Variants in SLC25A34 observed in about 807,000 individuals in gnomAD.
SLC25A34 encodes the protein solute carrier family 25 member 34, also known as solute carrier family 25, member 34.
Under a neutral mutation model 28.1 loss-of-function variants are expected in SLC25A34, and 26 were observed. The observed-to-expected ratio is 0.93, with a 90% confidence interval of 0.68 to 1.28. The LOEUF (loss-of-function observed/expected upper bound fraction) is 1.28, where lower values mean the gene tolerates loss of function less well. Ranked by LOEUF, SLC25A34 falls within the 50% of genes most tolerant of loss-of-function variation. The pLI is 0.00. For missense variants in SLC25A34, 384 were observed against 409.8 expected, an observed-to-expected ratio of 0.94 and a Z score of 0.54; for synonymous variants, 182 against 182.2, an observed-to-expected ratio of 1.00 and a Z score of 0.01.
intron 4 of SLC25A34, 109 bp from the exon 5 acceptor site, chr1:15,739,115 G>A (rs973241699): frequency 1.5e-6 from 2 of 1,365,626 alleles, no homozygotes; most frequent in East Asian, 2.4e-5. Context: ...CAATACAAAG[G>A]TGCTGTCCAT....
In SLC25A34 at chr1:15,736,702, C is replaced by A; in HGVS notation, c.217C>A (p.Leu73Met). The A allele has an allele frequency of 6.2e-7, 1 of 1,609,700 alleles. No individual in the cohort carries two copies. The highest frequency in any genetic ancestry group is 8.5e-7 in the Non-Finnish European group (1 of 1,179,088). The change falls in exon 1 of 5, where the codon CTG (leucine) becomes ATG (methionine). Residue 73 changes from leucine (L) to methionine (M), a missense_variant. Leu to Met is a conservative substitution (Grantham distance 15). Coordinates refer to ENST00000294454, the MANE Select transcript of SLC25A34 (RefSeq NM_207348.3). ...CGGGCTGTGGGGCCTGCAGAAGGGG[C>A]TGGCTGCCGGCCTTCTGTACCAAGG... is the stretch of plus-strand genomic sequence containing the variant. ...ADGLWGLQKG[L>M]AAGLLYQGLM... is the part of the protein sequence containing the mutation.
At chr1:15,737,583 G>C (rs2068236855) in intron 1 of SLC25A34, among the ~76,000 whole-genome samples, 1 of 147,782 alleles carries the variant, frequency 6.8e-6, no homozygotes, top group Admixed American at 6.6e-5. Flanking sequence ...AAAAAAAAAA[G>C]GAAAGAAAGA....
intron 1 of SLC25A34, 24 bp from the exon 2 acceptor site, chr1:15,737,905 C>T (rs1263290101): frequency 6.2e-7 from 1 of 1,613,978 alleles, no homozygotes; most frequent in Non-Finnish European, 8.5e-7. Flanking sequence ...CATCCCCACA[C>T]CCGTGTCCTC....
Position 15,741,219 on chromosome 1 carries a change from G to C in SLC25A34, c.*1813G>C, listed in dbSNP as rs561290736. On this transcript the variant is annotated 3_prime_UTR_variant, in exon 5 of 5. Coordinates refer to ENST00000294454, the MANE Select transcript of SLC25A34 (RefSeq NM_207348.3). ...TCCCCGTGGGTGTGCTCTCAGCGCC[G>C]CACCGACCTTCACACTGCAGAGATG... The C allele has an allele frequency of 1.3e-5, 2 of 152,476 alleles. No homozygotes were observed. Among genetic ancestry groups the C allele is most frequent in the Non-Finnish European group, 2.9e-5 (2 of 68,090 alleles). The allele number at this position is 152,476 out of a possible 1,614,324, so 9.4% of individuals were successfully genotyped here. A position where few individuals can be genotyped will look rare whatever the true frequency, so the allele number is the denominator to read the frequency against.
intron 1 of SLC25A34, 55 bp downstream of exon 1, chr1:15,736,918 C>T: frequency 6.9e-7 from 1 of 1,450,928 alleles, no homozygotes; most frequent in Non-Finnish European, 9.1e-7. Context: ...CCAGCTCCCA[C>T]AGGGGCCCTG....
Position 15,736,594 on chromosome 1 carries a change from C to A in SLC25A34, c.109C>A (p.Gln37Lys). 1 of 1,539,516 alleles carries A rather than the reference C, an allele frequency of 6.5e-7. No homozygotes were observed. Among genetic ancestry groups the A allele is most frequent in the Non-Finnish European group, 8.7e-7 (1 of 1,143,744 alleles). Residue 37 changes from glutamine to lysine, a missense_variant, in exon 1 of 5, where the codon CAG becomes AAG. Coordinates refer to ENST00000294454, the MANE Select transcript of SLC25A34 (RefSeq NM_207348.3). ...GGTGGTGAAGACGCGGCTGCAGCTGCAGGGGGAGCTGCAGGCCCGGGGCAC... is the reference window on the plus strand; with the variant it reads ...GGTGGTGAAGACGCGGCTGCAGCTGAAGGGGGAGCTGCAGGCCCGGGGCAC... ...LEVVKTRLQLQGELQARGTYP... is the reference protein window; with the variant it reads ...LEVVKTRLQLKGELQARGTYP...
At position 15,738,156 on chromosome 1, in the gene SLC25A34, G is replaced by T; in HGVS notation, c.508G>T (p.Val170Phe). The change falls in exon 3 of 5, where the codon GTT becomes TTT. Residue 170 changes from valine (V) to phenylalanine (F), a missense_variant. Val to Phe is a conservative substitution (Grantham distance 50). Coordinates refer to ENST00000294454, the MANE Select transcript of SLC25A34 (RefSeq NM_207348.3). ...QQGLLGLWQG[V>F]GGAVPRVMVG... ...AGGGCTCTTGGGGCTGTGGCAGGGC[G>T]TTGGTGGGGCTGTGCCCCGAGTCAT... 1 of 1,607,956 alleles carries T rather than the reference G, an allele frequency of 6.2e-7. No homozygotes were observed. Among genetic ancestry groups the T allele is most frequent in the South Asian group, 1.1e-5 (1 of 90,328 alleles).
At chr1:15,737,576 A>T (rs1240667104) in intron 1 of SLC25A34, among the ~76,000 whole-genome samples, 1 of 151,878 alleles carries the variant, frequency 6.6e-6, no homozygotes, top group Non-Finnish European at 1.5e-5. Flanking sequence ...CCTCAAAAAA[A>T]AAAAAAGGAA....
rs149412777 is a variant in SLC25A34 at position 15,739,809 on chromosome 1, A to AGTG, written c.*408_*410dup. On this transcript the variant is annotated 3_prime_UTR_variant, in exon 5 of 5. Coordinates refer to ENST00000294454, the MANE Select transcript of SLC25A34 (RefSeq NM_207348.3). The stretch of plus-strand genomic sequence containing the variant: ...TTACCATTAGAAAGCCAAGGCCTAG[A>AGTG]GTGGTGGGCTTTGACCACAGCCACA... The AGTG allele has an allele frequency of 0.092, 14,660 of 159,212 alleles. 2,351 individuals are homozygous for AGTG. The highest frequency in any genetic ancestry group is 0.33 in the African/African-American group (13,779 of 41,638). The allele number at this position is 159,212 out of a possible 1,614,324, so 9.9% of individuals were successfully genotyped here. A position where few individuals can be genotyped will look rare whatever the true frequency, so the allele number is the denominator to read the frequency against.
At position 15,738,903 on chromosome 1, in the gene SLC25A34, C is replaced by T. The variant is rs895524160; in HGVS notation, c.732+175C>T. ...GGGCTTGTTTGCTGAGCCCCCGGGT[C>T]CCAGGCACAGGCTAAGCACTTTCAC... On this transcript the variant is annotated intron_variant, in intron 4 of 4. Coordinates refer to ENST00000294454, the MANE Select transcript of SLC25A34 (RefSeq NM_207348.3). 2.1e-5 allele frequency: 17 copies of T among 815,458 alleles called. No homozygotes were observed. The African/African-American group carries it at 3.0e-4, about 15-fold the overall frequency. 50.5% of individuals were successfully genotyped at this position (815,458 alleles called of 1,614,324 possible).
At position 15,738,114 on chromosome 1, in the gene SLC25A34, A is replaced by C; in HGVS notation, c.466A>C (p.Thr156Pro). The change falls in exon 3 of 5, where the codon ACC becomes CCC. Residue 156 changes from threonine (T) to proline (P), a missense_variant. By Grantham distance (38) the Thr-to-Pro change is conservative (BLOSUM62 -1). Transcript: ENST00000294454. ...NHQTVLGALETIWRQQGLLGL... is the reference protein window; with the variant it reads ...NHQTVLGALEPIWRQQGLLGL... Reference sequence around the variant, plus strand: ...ACAGACTGTCCTGGGTGCCTTGGAGACCATCTGGCGGCAGCAAGGGCTCTT... The same window carrying C: ...ACAGACTGTCCTGGGTGCCTTGGAGCCCATCTGGCGGCAGCAAGGGCTCTT... 6.2e-7 allele frequency: 1 copy of C among 1,604,876 alleles called. No homozygotes were observed. Among genetic ancestry groups the C allele is most frequent in the Non-Finnish European group, 8.5e-7 (1 of 1,174,130 alleles).
rs1291448832 is a variant in SLC25A34, at chr1:15,739,216, T to C, written c.733-8T>C. ...CTGTAGTAACACTCACCCCATGTCT[T>C]TCCCCAGGGCCAGCTCTATGGGGGC... On this transcript the variant is annotated splice_polypyrimidine_tract_variant and splice_region_variant and intron_variant, in intron 4 of 4. Coordinates refer to ENST00000294454, the MANE Select transcript of SLC25A34 (RefSeq NM_207348.3). 6.2e-7 allele frequency: 1 copy of C among 1,611,642 alleles called. No homozygotes were observed. The highest frequency in any genetic ancestry group is 2.2e-5 in the East Asian group (1 of 44,818).
In SLC25A34 at chr1:15,736,854, T is replaced by C. The variant is rs1371812431; in HGVS notation, c.369T>C (p.Pro123=). ...CACTGGGAGCCTTCGTGGGGAGCCC[T>C]GCTTACCTGGTGAGTGGCTTGTCTC... ...AGALGAFVGS[P]AYLIKTQLQA... is the part of the protein sequence containing the mutation. The change falls in exon 1 of 5, where the codon CCT becomes CCC. Residue 123 remains proline (P), a synonymous_variant. Transcript: ENST00000294454. 6.4e-7 allele frequency: 1 copy of C among 1,562,268 alleles called. No homozygotes were observed. Among genetic ancestry groups the C allele is most frequent in the Admixed American group, 1.9e-5 (1 of 52,906 alleles).
intron 1 of SLC25A34, among the ~76,000 whole-genome samples, chr1:15,737,066 G>A (rs2068232318): frequency 6.6e-6 from 1 of 152,212 alleles, no homozygotes; most frequent in Non-Finnish European, 1.5e-5. Context: ...CTCCCCTGCG[G>A]TCCCTGCCCC....
intron 4 of SLC25A34, 46 bp downstream of exon 4, chr1:15,738,774 C>T: frequency 1.4e-6 from 2 of 1,454,512 alleles, no homozygotes; most frequent in Non-Finnish European, 9.0e-7. Flanking sequence ...GCTGGGAGCA[C>T]CCCCCCAACA....
rs1485025785 is a variant in SLC25A34 at position 15,739,456 on chromosome 1, G to A, written c.*50G>A. 1.3e-6 allele frequency: 2 copies of A among 1,482,984 alleles called. No individual in the cohort carries two copies. Among genetic ancestry groups the A allele is most frequent in the African/African-American group, 1.4e-5 (1 of 70,058 alleles). The allele number at this position is 1,482,984 out of a possible 1,614,324, so 91.9% of individuals were successfully genotyped here. On this transcript the variant is annotated 3_prime_UTR_variant, in exon 5 of 5. Coordinates refer to ENST00000294454, the MANE Select transcript of SLC25A34 (RefSeq NM_207348.3). ...TGACACGGCCGGCACTTGGCCGGAA[G>A]TGAGAGCCTGCTCCAGGACAACTGG...
Position 15,736,632 on chromosome 1 carries a change from C to T in SLC25A34, c.147C>T (p.Pro49=). 6.3e-7 allele frequency: 1 copy of T among 1,585,160 alleles called. No homozygotes were observed. Among genetic ancestry groups the T allele is most frequent in the Non-Finnish European group, 8.6e-7 (1 of 1,166,442 alleles). Residue 49 remains proline (P), a synonymous_variant, in exon 1 of 5, where the codon CCC becomes CCT. Coordinates refer to ENST00000294454, the MANE Select transcript of SLC25A34 (RefSeq NM_207348.3). Reference sequence around the variant, plus strand: ...AGGCCCGGGGCACCTACCCACGGCCCTACCATGGCTTCATAGCCTCTGTCG... The same window carrying T: ...AGGCCCGGGGCACCTACCCACGGCCTTACCATGGCTTCATAGCCTCTGTCG... ...ELQARGTYPR[P]YHGFIASVAA...
chr1:15,739,118 C>A, intron 4 of SLC25A34, 106 bp from the exon 5 acceptor site: 2 of 1,378,012 alleles, frequency 1.5e-6, no homozygotes, highest in Non-Finnish European at 2.0e-6. Context: ...TACAAAGGTG[C>A]TGTCCATAGG....
chr1:15,738,760 G>C, intron 4 of SLC25A34, 32 bp downstream of exon 4: 1 of 1,491,454 alleles, frequency 6.7e-7, no homozygotes, highest in Non-Finnish European at 8.9e-7. Context: ...GGAGACCGTG[G>C]GGAGCTGGGA....
Sources: allele counts gnomAD v4.1 joint callset (sites outside exome capture counted in the v4.1 genomes callset), GRCh38; gene constraint gnomAD v4.1.1; transcripts MANE v1.5; gene names NCBI Gene and HGNC (gene_info 2026-07-23, HGNC 2026-07-21).